NRXN3: variants seen among roughly 807,000 people sequenced by gnomAD.
NRXN3 encodes the protein neurexin III.
In NRXN3, 32 loss-of-function variants were observed where a neutral mutation model predicts 137.6. The ratio of observed to expected loss-of-function variants is 0.23; its 90% confidence interval spans 0.18 to 0.31. The LOEUF (loss-of-function observed/expected upper bound fraction) is 0.31. Ranked by LOEUF, NRXN3 falls within the 10% of genes least tolerant of loss-of-function variation. NRXN3 has a pLI of 1.00. For missense variants in NRXN3, 1,574 were observed against 2,062.5 expected (o/e 0.76, Z 4.59); for synonymous variants, 798 against 784.5 (o/e 1.02, Z -0.29).
At chr14:79,065,773 T>C (rs568532104) in intron 15 of NRXN3, among the ~76,000 whole-genome samples, 42 of 152,284 alleles carry the variant, frequency 2.8e-4, no homozygotes, top group South Asian at 1.0e-3. Context: ...TCTGTGTGCA[T>C]GCCTCTGTCC....
intron 16 of NRXN3, among the ~76,000 whole-genome samples, chr14:79,579,790 G>T (rs2097698142): frequency 6.6e-6 from 1 of 152,020 alleles, no homozygotes; most frequent in Non-Finnish European, 1.5e-5. Context: ...TCTATGTGTA[G>T]GTAACATTTC....
At chr14:78,659,543 A>G (rs2097817309) in intron 6 of NRXN3, among the ~76,000 whole-genome samples, 1 of 152,082 alleles carries the variant, frequency 6.6e-6, no homozygotes, top group South Asian at 2.1e-4. Flanking sequence ...TTAGCTGGGC[A>G]TGGTGGCACA....
chr14:78,929,645 C>A (rs1327800396), intron 10 of NRXN3, among the ~76,000 whole-genome samples: 1 of 152,138 alleles, frequency 6.6e-6, no homozygotes, highest in African/African-American at 2.4e-5. Flanking sequence ...TACAGTGCTT[C>A]AGTGAACATA....
At chr14:79,555,126 GC>G (rs1310682588) in intron 16 of NRXN3, among the ~76,000 whole-genome samples, 4 of 152,164 alleles carry the variant, frequency 2.6e-5, no homozygotes, top group African/African-American at 9.6e-5. Flanking sequence ...AGCTGGGGAA[GC>G]CTTCGCCAAG....
intron 8 of NRXN3, among the ~76,000 whole-genome samples, chr14:78,737,935 C>T (rs2098548243): frequency 6.6e-6 from 1 of 152,160 alleles, no homozygotes; most frequent in South Asian, 2.1e-4. Flanking sequence ...CTGTCTATCA[C>T]TGCGCGGGGT....
At chr14:78,922,829 C>T (rs1240218889) in intron 10 of NRXN3, among the ~76,000 whole-genome samples, 1 of 152,136 alleles carries the variant, frequency 6.6e-6, no homozygotes, top group Non-Finnish European at 1.5e-5. Context: ...AACAAACCTG[C>T]ATGTCCTGTA....
At chr14:79,560,505 T>TTTTTTTTTTTTG (rs2097483508) in intron 16 of NRXN3, among the ~76,000 whole-genome samples, 1 of 47,076 alleles carries the variant, frequency 2.1e-5, no homozygotes, top group Non-Finnish European at 4.6e-5. Context: ...GATTGTAAGC[T>TTTTTTTTTTTTG]TTTTTTTTTT....
intron 10 of NRXN3, among the ~76,000 whole-genome samples, chr14:78,928,527 ACCT>A: frequency 6.6e-6 from 1 of 151,898 alleles, no homozygotes; most frequent in South Asian, 2.1e-4. Flanking sequence ...TTCAATTCCA[ACCT>A]GTGAGTGAGA....
At chr14:79,280,037 G>C in intron 15 of NRXN3, 1 of 1,306,598 alleles carries the variant, frequency 7.7e-7, no homozygotes, top group Non-Finnish European at 9.7e-7. Context: ...TGCTATACCT[G>C]GGAGGACCCT....
chr14:79,523,565 G>A (rs7155119), intron 16 of NRXN3, among the ~76,000 whole-genome samples: 6,245 of 152,262 alleles, frequency 0.041, 417 homozygotes, highest in African/African-American at 0.14. Flanking sequence ...CAGGATCTGA[G>A]ATCGACAGCT....
chr14:79,575,820 T>C (rs1487682577), intron 16 of NRXN3, among the ~76,000 whole-genome samples: 16 of 152,214 alleles, frequency 1.1e-4, no homozygotes, highest in Non-Finnish European at 1.2e-4. Context: ...TATGCATTTG[T>C]AAATATTTTC....
At chr14:78,820,255 T>A (rs1469896699) in intron 10 of NRXN3, among the ~76,000 whole-genome samples, 1 of 148,956 alleles carries the variant, frequency 6.7e-6, no homozygotes, top group East Asian at 1.9e-4. Flanking sequence ...TATATATATA[T>A]AAATTGCAGT....
chr14:79,520,468 C>G (rs116410582), intron 16 of NRXN3, among the ~76,000 whole-genome samples: 1,866 of 152,196 alleles, frequency 0.012, 32 homozygotes, highest in African/African-American at 0.043. Flanking sequence ...CTGACAGTCC[C>G]CAGTGTATGA....
intron 4 of NRXN3, among the ~76,000 whole-genome samples, chr14:78,472,218 T>G (rs2095288783): frequency 6.6e-6 from 1 of 152,158 alleles, no homozygotes; most frequent in Non-Finnish European, 1.5e-5. Flanking sequence ...TCTTTCTTGG[T>G]CACTGTCTTT....
At chr14:78,658,202 T>G (rs1164106214) in intron 6 of NRXN3, among the ~76,000 whole-genome samples, 4 of 152,158 alleles carry the variant, frequency 2.6e-5, no homozygotes, top group African/African-American at 9.7e-5. Flanking sequence ...ACATGAGACA[T>G]GAGAAGAGGG....
At chr14:79,127,319 T>A (rs2056692325) in intron 15 of NRXN3, among the ~76,000 whole-genome samples, 1 of 152,216 alleles carries the variant, frequency 6.6e-6, no homozygotes, top group Admixed American at 6.5e-5. Flanking sequence ...TTCTAACGTT[T>A]AAGTCTTTAA....
chr14:78,598,504 C>T (rs1453864046), intron 4 of NRXN3, among the ~76,000 whole-genome samples: 2 of 152,232 alleles, frequency 1.3e-5, no homozygotes, highest in East Asian at 3.8e-4. Flanking sequence ...CCTGCCTCTT[C>T]TGCGGTCGCA....
intron 8 of NRXN3, among the ~76,000 whole-genome samples, chr14:78,742,781 A>T (rs1426613527): frequency 6.6e-6 from 1 of 152,224 alleles, no homozygotes; most frequent in Non-Finnish European, 1.5e-5. Context: ...ATAAAAGTTT[A>T]AGCTTCTCTT....
chr14:78,198,728 C>A lies in NRXN3; in HGVS notation c.-704+28054C>A, dbSNP rs186516695. ...TAAAAAGTTTATTAATAGTTCAAGT[C>A]TTCTTTGAGGTGTCCAGCACTTAGA... On this transcript the variant is annotated intron_variant, in intron 1 of 20. Transcript: ENST00000335750. 3.0e-4 allele frequency among the ~76,000 whole-genome samples: 46 copies of A among 152,322 alleles called. No homozygotes were observed. The East Asian group carries it at 7.3e-3, about 24-fold the overall frequency.
Sources: gnomAD v4.1 joint callset for allele counts (sites outside exome capture counted in the v4.1 genomes callset) on GRCh38, gnomAD v4.1.1 for gene constraint, MANE v1.5 for transcripts, NCBI Gene and HGNC (gene_info 2026-07-23, HGNC 2026-07-21) for gene names.